Variants in AFF3 observed in about 807,000 individuals in gnomAD.
AFF3 encodes ALF transcription elongation factor 3, also known as AF4/FMR2 family member 3.
AFF3 carries 32 observed loss-of-function variants against 129.7 expected under a neutral mutation model. The observed-to-expected ratio is 0.25, with a 90% CI of 0.19 to 0.33. The LOEUF (loss-of-function observed/expected upper bound fraction) is 0.33. Ranked by LOEUF, AFF3 falls within the 10% of genes least tolerant of loss-of-function variation. The pLI is 1.00. For missense variants in AFF3, 1,373 were observed against 1,592.0 expected (o/e 0.86, Z 2.34); for synonymous variants, 644 against 635.4 (o/e 1.01, Z -0.20).
At chr2:100,074,636 T>C (rs2105321113) in intron 4 of AFF3, among the ~76,000 whole-genome samples, 1 of 152,318 alleles carries the variant, frequency 6.6e-6, no homozygotes, top group Non-Finnish European at 1.5e-5. Context: ...GGCTTTTATC[T>C]CATTTTACTT....
intron 7 of AFF3, among the ~76,000 whole-genome samples, chr2:99,872,584 T>C (rs1364239806): frequency 6.9e-6 from 1 of 144,526 alleles, no homozygotes; most frequent in African/African-American, 2.6e-5. Context: ...TATGCAAAAA[T>C]GCTTCTTACA....
At chr2:99,742,036 TG>T (rs1391714572) in intron 10 of AFF3, among the ~76,000 whole-genome samples, 1 of 152,148 alleles carries the variant, frequency 6.6e-6, no homozygotes, top group East Asian at 1.9e-4. Flanking sequence ...ATACATGTGC[TG>T]GGGTTTTGGA....
chr2:100,014,269 T>C (rs1407895472), intron 4 of AFF3, among the ~76,000 whole-genome samples: 1 of 152,128 alleles, frequency 6.6e-6, no homozygotes, highest in Non-Finnish European at 1.5e-5. Context: ...CTGATATGTC[T>C]CCAGGGTTGT....
At chr2:99,929,699 T>C (rs1348233918) in intron 7 of AFF3, among the ~76,000 whole-genome samples, 1 of 152,164 alleles carries the variant, frequency 6.6e-6, no homozygotes, top group African/African-American at 2.4e-5. Context: ...AAGTTCACAG[T>C]GCAATAAAGT....
intron 7 of AFF3, among the ~76,000 whole-genome samples, chr2:99,926,340 G>C (rs1443043455): frequency 6.6e-6 from 1 of 152,208 alleles, no homozygotes; most frequent in East Asian, 1.9e-4. Context: ...GAGTACACTG[G>C]AGTGGAAGCC....
intron 8 of AFF3, among the ~76,000 whole-genome samples, chr2:99,792,869 T>C (rs565108498): frequency 6.6e-6 from 1 of 152,204 alleles, no homozygotes; most frequent in African/African-American, 2.4e-5. Context: ...AAGGTTGATA[T>C]CAGACTAATG....
chr2:99,790,375 A>G (rs1448422532), intron 8 of AFF3, among the ~76,000 whole-genome samples: 2 of 152,236 alleles, frequency 1.3e-5, no homozygotes, highest in African/African-American at 2.4e-5. Context: ...AATGGGCCTA[A>G]GGCTTTGTAA....
intron 13 of AFF3, among the ~76,000 whole-genome samples, chr2:99,648,885 G>GCACACACACACACACA (rs1185084808): frequency 1.1e-5 from 1 of 93,814 alleles, no homozygotes. Flanking sequence ...AAACACGCGC[G>GCACACACACACACACA]CACACACACA....
At chr2:99,957,517 TG>T (rs1676781368) in intron 7 of AFF3, among the ~76,000 whole-genome samples, 1 of 152,164 alleles carries the variant, frequency 6.6e-6, no homozygotes, top group Admixed American at 6.5e-5. Flanking sequence ...AGAATCAAAA[TG>T]ACACGGTGCA....
intron 7 of AFF3, among the ~76,000 whole-genome samples, chr2:99,954,115 C>T (rs78805617): frequency 0.019 from 2,954 of 152,062 alleles, 101 homozygotes; most frequent in African/African-American, 0.069. Context: ...CTACTGGAAA[C>T]AAATAAGAAA....
intron 8 of AFF3, among the ~76,000 whole-genome samples, chr2:99,833,398 T>C (rs1688646616): frequency 6.6e-6 from 1 of 152,230 alleles, no homozygotes. Flanking sequence ...TGCAACTCTA[T>C]GTAAATATTC....
intron 12 of AFF3, among the ~76,000 whole-genome samples, chr2:99,656,841 A>G (rs1312915819): frequency 1.3e-5 from 2 of 152,184 alleles, no homozygotes; most frequent in Non-Finnish European, 2.9e-5. Flanking sequence ...ATTCCTAGAA[A>G]TAAATGCTGC....
rs868052079 is a variant in AFF3 at position 99,865,193 on chromosome 2, A to G, written c.874-27669T>C. 7.2e-5 allele frequency among the ~76,000 whole-genome samples: 11 copies of G among 152,316 alleles called. 1 individual carries two copies. The highest frequency in any genetic ancestry group is 1.5e-4 in the Non-Finnish European group (10 of 68,022). On this transcript the variant is annotated intron_variant, in intron 7 of 24. Coordinates refer to ENST00000672756, the MANE Select transcript of AFF3 (RefSeq NM_001386135.1). ...CTGGGTGGGTGGACAAAATCCTCTA[A>G]GGGCACAATGGCACAGCTTCCATTG... is the stretch of plus-strand genomic sequence containing the variant.
intron 1 of AFF3, among the ~76,000 whole-genome samples, chr2:100,139,489 G>A (rs1692775425): frequency 6.6e-6 from 1 of 152,166 alleles, no homozygotes; most frequent in African/African-American, 2.4e-5. Flanking sequence ...GTGTTTATTA[G>A]TTATTGCAGG....
intron 7 of AFF3, among the ~76,000 whole-genome samples, chr2:99,868,579 C>T (rs996285793): frequency 6.6e-5 from 10 of 151,964 alleles, no homozygotes; most frequent in African/African-American, 2.2e-4. Flanking sequence ...GACAATGAGG[C>T]CTGGAGGAAG....
intron 7 of AFF3, among the ~76,000 whole-genome samples, chr2:99,925,839 ATGT>A (rs1696200463): frequency 6.6e-6 from 1 of 152,234 alleles, no homozygotes; most frequent in East Asian, 1.9e-4. Context: ...GAAACTGCTT[ATGT>A]TGTTCTAAAG....
chr2:99,782,489 T>C (rs988608135), intron 8 of AFF3, among the ~76,000 whole-genome samples: 3 of 152,218 alleles, frequency 2.0e-5, no homozygotes, highest in Admixed American at 1.3e-4. Context: ...GGGCCTGCCA[T>C]AGTCCTGCAA....
At chr2:100,038,037 T>C (rs1559078010) in intron 4 of AFF3, among the ~76,000 whole-genome samples, 1 of 151,856 alleles carries the variant, frequency 6.6e-6, no homozygotes, top group Non-Finnish European at 1.5e-5. Flanking sequence ...AGGTCAATTA[T>C]TATTTCAAAT....
chr2:99,762,125 CTTTTTT>C (rs113479774), intron 8 of AFF3, among the ~76,000 whole-genome samples: 2 of 138,162 alleles, frequency 1.4e-5, no homozygotes. Context: ...ATCAATGCCA[CTTTTTT>C]TTTTTTTTTT....
Sources: allele counts gnomAD v4.1 joint callset (sites outside exome capture counted in the v4.1 genomes callset), GRCh38; gene constraint gnomAD v4.1.1; transcripts MANE v1.5; gene names NCBI Gene and HGNC (gene_info 2026-07-23, HGNC 2026-07-21).